The following ABCB11 variants were observed in gnomAD, a reference collection of about 807,000 sequenced individuals.
The protein encoded by ABCB11 is bile salt export pump.
A neutral mutation model predicts 148.0 loss-of-function variants in ABCB11; 95 were observed. The observed-to-expected ratio is 0.64, with a 90% confidence interval of 0.54 to 0.76. The LOEUF is 0.76. ABCB11 is among the 30% of genes least tolerant of loss of function. ABCB11 has a pLI of 0.00. For missense variants in ABCB11, 1,523 were observed against 1,617.8 expected (o/e 0.94, Z 1.01); for synonymous variants, 591 against 555.4 (o/e 1.06, Z -0.90).
intron 1 of ABCB11, among the ~76,000 whole-genome samples, chr2:169,019,924 AC>A (rs909133496): frequency 2.6e-5 from 4 of 152,208 alleles, no homozygotes; most frequent in African/African-American, 9.6e-5. Flanking sequence ...ACACTTACAG[AC>A]CTGCATAAAA....
At chr2:168,946,327 C>A (rs1574417709) in intron 19 of ABCB11, among the ~76,000 whole-genome samples, 1 of 151,932 alleles carries the variant, frequency 6.6e-6, no homozygotes, top group Non-Finnish European at 1.5e-5. Context: ...AATAAATCTC[C>A]TTGGAAACAA....
intron 19 of ABCB11, among the ~76,000 whole-genome samples, chr2:168,955,250 G>A (rs2893112): frequency 6.6e-6 from 1 of 151,666 alleles, no homozygotes; most frequent in African/African-American, 2.4e-5. Flanking sequence ...GGCATTTCAA[G>A]AAATTCTTTT....
At chr2:168,977,986 T>C (rs945362796) in intron 11 of ABCB11, among the ~76,000 whole-genome samples, 1 of 152,168 alleles carries the variant, frequency 6.6e-6, no homozygotes, top group Non-Finnish European at 1.5e-5. Flanking sequence ...GAGTATAATG[T>C]AATCTACCTC....
intron 4 of ABCB11, 139 bp downstream of exon 4, chr2:169,014,164 A>C: frequency 1.2e-6 from 1 of 803,308 alleles, no homozygotes; most frequent in South Asian, 1.5e-5. Context: ...ATGTTATCAC[A>C]TAGGCAAAGC....
At position 168,923,335 on chromosome 2, in the gene ABCB11, A is replaced by G; in HGVS notation, c.*287T>C. 1.9e-6 allele frequency: 1 copy of G among 516,408 alleles called. No homozygotes were observed. The highest frequency in any genetic ancestry group is 3.5e-6 in the Non-Finnish European group (1 of 288,120). The allele number at this position is 516,408 out of a possible 1,614,324, so 32.0% of individuals were successfully genotyped here. A position where few individuals can be genotyped will look rare whatever the true frequency, so the allele number is the denominator to read the frequency against. ...TTAATCAGGACTGGCTCCTGCACAG[A>G]GAAGCACTGAGTGGTGGCTGAGCTG... On this transcript the variant is annotated 3_prime_UTR_variant, in exon 28 of 28. Coordinates refer to ENST00000650372, the MANE Select transcript of ABCB11 (RefSeq NM_003742.4).
intron 24 of ABCB11, 26 bp downstream of exon 24, chr2:168,932,351 T>A: frequency 6.5e-7 from 1 of 1,541,116 alleles, no homozygotes. Context: ...TCCTTTTTTA[T>A]GGCTGCATAG....
chr2:168,993,995 C>T (rs1482360145), intron 7 of ABCB11, 113 bp from the exon 8 acceptor site: 1 of 903,064 alleles, frequency 1.1e-6, no homozygotes. Flanking sequence ...CCCTATCACC[C>T]TTGGATAGCA....
At chr2:169,011,668 T>G (rs1364360369) in intron 5 of ABCB11, among the ~76,000 whole-genome samples, 1 of 152,140 alleles carries the variant, frequency 6.6e-6, no homozygotes, top group Non-Finnish European at 1.5e-5. Flanking sequence ...TTCACACAGA[T>G]AGGGATCATG....
intron 6 of ABCB11, 123 bp from the exon 7 acceptor site, chr2:168,995,605 C>T: frequency 1.9e-6 from 2 of 1,077,290 alleles, no homozygotes; most frequent in Non-Finnish European, 2.6e-6. Flanking sequence ...TCAGAAAATG[C>T]CTCTTCTTGG....
chr2:169,006,128 A>G (rs1198150143), intron 5 of ABCB11, among the ~76,000 whole-genome samples: 3 of 152,228 alleles, frequency 2.0e-5, no homozygotes, highest in Admixed American at 6.5e-5. Context: ...TCTTATTAAT[A>G]TAGACACAAA....
rs58414999 is a variant in ABCB11 at position 168,921,863 on chromosome 2, CTTT to C, written c.*1756_*1758del. On this transcript the variant is annotated 3_prime_UTR_variant, in exon 28 of 28. Coordinates refer to ENST00000650372, the MANE Select transcript of ABCB11 (RefSeq NM_003742.4). ...CTTGACCTCTTTTCTTTTTCTTTTT[CTTT>C]TTTTTTTTTTTTCGCTCTGTCGCCC... Among the ~76,000 whole-genome samples the C allele has an allele frequency of 1.6e-5, 2 of 123,890 alleles. No individual in the cohort carries two copies. The highest frequency in any genetic ancestry group is 1.7e-5 in the Non-Finnish European group (1 of 59,562). 81.3% of individuals were successfully genotyped at this position (123,890 alleles called of 152,430 possible).
At chr2:168,942,079 T>C (rs966276446) in intron 21 of ABCB11, among the ~76,000 whole-genome samples, 1 of 151,960 alleles carries the variant, frequency 6.6e-6, no homozygotes, top group African/African-American at 2.4e-5. Flanking sequence ...TTATAACTTA[T>C]AAGAGAGCTT....
intron 1 of ABCB11, among the ~76,000 whole-genome samples, chr2:169,020,744 A>G (rs924333125): frequency 6.6e-6 from 1 of 152,070 alleles, no homozygotes; most frequent in African/African-American, 2.4e-5. Flanking sequence ...GTGGGAGGGG[A>G]ATGAGGAGTG....
intron 6 of ABCB11, among the ~76,000 whole-genome samples, chr2:168,996,401 G>C (rs1694713884): frequency 1.3e-5 from 2 of 151,864 alleles, no homozygotes; most frequent in South Asian, 2.1e-4. Flanking sequence ...AAGGCAGGGG[G>C]AGGACAGGAC....
intron 14 of ABCB11, 137 bp from the exon 15 acceptor site, chr2:168,970,352 T>C: frequency 6.5e-7 from 1 of 1,537,984 alleles, no homozygotes; most frequent in Non-Finnish European, 8.7e-7. Flanking sequence ...CTGAAAGAAA[T>C]ATCCCTTCCC....
Position 168,976,645 on chromosome 2 carries a change from C to A in ABCB11, c.1240G>T (p.Asp414Tyr). The change falls in exon 12 of 28, where the codon GAT becomes TAT. Residue 414 changes from aspartate to tyrosine, a missense_variant. Physicochemically the swap from Asp to Tyr is radical, Grantham distance 160 (BLOSUM62 -3). Transcript: ENST00000650372. Reference sequence around the variant, plus strand: ...AATTCAATTTCACCCTTGATTCGATCCAACTTGTAACCATCTTCTGACATG... The same window carrying A: ...AATTCAATTTCACCCTTGATTCGATACAACTTGTAACCATCTTCTGACATG... ...DCMSEDGYKL[D>Y]RIKGEIEFHN... is the part of the protein sequence containing the mutation. The A allele has an allele frequency of 6.2e-7, 1 of 1,611,334 alleles. No individual in the cohort carries two copies. Among genetic ancestry groups the A allele is most frequent in the Non-Finnish European group, 8.5e-7 (1 of 1,178,122 alleles).
intron 14 of ABCB11, chr2:168,970,665 G>T: frequency 3.5e-6 from 1 of 285,140 alleles, no homozygotes. Flanking sequence ...GACAAAAGAT[G>T]GTTACTGATT....
At chr2:168,952,302 T>C (rs1376221334) in intron 19 of ABCB11, among the ~76,000 whole-genome samples, 1 of 151,490 alleles carries the variant, frequency 6.6e-6, no homozygotes, top group Non-Finnish European at 1.5e-5. Context: ...AGGATTGGTA[T>C]TAGCTCTCTG....
chr2:169,006,119 C>T (rs886174847), intron 5 of ABCB11, among the ~76,000 whole-genome samples: 1 of 152,138 alleles, frequency 6.6e-6, no homozygotes. Flanking sequence ...TATTATATCT[C>T]TTATTAATAT....
Sources: gnomAD v4.1 joint callset for allele counts (sites outside exome capture counted in the v4.1 genomes callset) on GRCh38, gnomAD v4.1.1 for gene constraint, MANE v1.5 for transcripts, NCBI Gene and HGNC (gene_info 2026-07-23, HGNC 2026-07-21) for gene names.